The following RUNDC3B variants were observed in gnomAD, a reference collection of about 807,000 sequenced individuals.
RUNDC3B encodes RUN domain containing 3B, also known as RUN domain-containing protein 3B.
A neutral mutation model predicts 58.4 loss-of-function variants in RUNDC3B; 33 were observed. The observed-to-expected ratio is 0.56, with a 90% CI of 0.43 to 0.75. RUNDC3B has a LOEUF of 0.75. RUNDC3B is among the 30% of genes least tolerant of loss of function. The pLI, the probability that RUNDC3B is intolerant of heterozygous loss-of-function variation, is 0.00. For synonymous variants in RUNDC3B, 193 were observed against 195.2 expected (o/e 0.99, Z 0.10); for missense variants, 501 against 535.7 (o/e 0.94, Z 0.64).
chr7:87,652,366 C>G (rs954778867), intron 2 of RUNDC3B, among the ~76,000 whole-genome samples: 1 of 152,028 alleles, frequency 6.6e-6, no homozygotes, highest in Non-Finnish European at 1.5e-5. Flanking sequence ...GCGCACTAAT[C>G]TGCCATCTTC....
chr7:87,753,296 A>T (rs1833138474), intron 6 of RUNDC3B, among the ~76,000 whole-genome samples: 1 of 151,776 alleles, frequency 6.6e-6, no homozygotes, highest in African/African-American at 2.4e-5. Flanking sequence ...ACTTCCAAGT[A>T]TGTGGTCAAT....
chr7:87,718,588 A>T (rs1249903152), intron 4 of RUNDC3B, among the ~76,000 whole-genome samples: 3 of 152,156 alleles, frequency 2.0e-5, no homozygotes, highest in African/African-American at 7.2e-5. Context: ...CACCATATTC[A>T]TACATCTAAA....
chr7:87,750,469 G>C (rs1309032832), intron 6 of RUNDC3B, among the ~76,000 whole-genome samples: 1 of 151,592 alleles, frequency 6.6e-6, no homozygotes, highest in Non-Finnish European at 1.5e-5. Flanking sequence ...CTTCCACAAT[G>C]GTTGAACTAG....
chr7:87,734,402 A>G (rs1192312602), intron 4 of RUNDC3B, among the ~76,000 whole-genome samples: 3 of 152,296 alleles, frequency 2.0e-5, no homozygotes, highest in Non-Finnish European at 4.4e-5. Context: ...AGCTTAGCAA[A>G]GAAGCCAGTC....
intron 10 of RUNDC3B, among the ~76,000 whole-genome samples, chr7:87,823,339 G>A (rs891633323): frequency 6.6e-6 from 1 of 151,954 alleles, no homozygotes; most frequent in Non-Finnish European, 1.5e-5. Context: ...AAATCCTGAG[G>A]AGCAAACACA....
At chr7:87,713,402 A>G (rs1194330279) in intron 4 of RUNDC3B, 2 of 152,188 alleles carry the variant, frequency 1.3e-5, no homozygotes, top group Non-Finnish European at 2.9e-5. Context: ...CCCAAGGATA[A>G]GTTTGGGTGG....
chr7:87,676,176 A>G (rs1826335764), intron 2 of RUNDC3B, among the ~76,000 whole-genome samples: 1 of 152,102 alleles, frequency 6.6e-6, no homozygotes, highest in African/African-American at 2.4e-5. Flanking sequence ...TCAGTGAGCT[A>G]TCACCTCATC....
intron 10 of RUNDC3B, among the ~76,000 whole-genome samples, chr7:87,821,760 T>A (rs1361021299): frequency 1.3e-5 from 2 of 152,224 alleles, no homozygotes; most frequent in African/African-American, 4.8e-5. Flanking sequence ...ATCTGATCTT[T>A]GACAAACCTG....
At chr7:87,656,255 A>G (rs1372266620) in intron 2 of RUNDC3B, among the ~76,000 whole-genome samples, 1 of 152,142 alleles carries the variant, frequency 6.6e-6, no homozygotes, top group African/African-American at 2.4e-5. Flanking sequence ...TGTCAATTTA[A>G]AAATTTTTAA....
chr7:87,729,602 G>A (rs1235292567), intron 4 of RUNDC3B, among the ~76,000 whole-genome samples: 2 of 152,202 alleles, frequency 1.3e-5, no homozygotes, highest in Non-Finnish European at 2.9e-5. Flanking sequence ...ACCAGTATGG[G>A]CTAAAGTTCT....
intron 8 of RUNDC3B, among the ~76,000 whole-genome samples, chr7:87,806,105 CTT>C (rs1478409820): frequency 6.6e-6 from 1 of 152,198 alleles, no homozygotes; most frequent in East Asian, 1.9e-4. Flanking sequence ...TTCTCACTAA[CTT>C]TGGCCTATTT....
In RUNDC3B at chr7:87,816,246, A is replaced by T. The variant is rs1249514243; in HGVS notation, c.1209A>T (p.Leu403Phe). The change falls in exon 10 of 11, where the codon TTA (leucine) becomes TTT (phenylalanine). Residue 403 changes from leucine (L) to phenylalanine (F), a missense_variant. Leu to Phe is a conservative substitution (Grantham distance 22). Coordinates refer to ENST00000394654, the MANE Select transcript of RUNDC3B (RefSeq NM_001134405.2). Reference protein sequence around the residue: ...SQEGDGKQDTLNVMSEGKEDT... With the variant: ...SQEGDGKQDTFNVMSEGKEDT... Reference sequence around the variant, plus strand: ...AAGGAGATGGAAAACAAGACACATTAAATGTAATGAGTGAAGGTAAGAAAA... The same window carrying T: ...AAGGAGATGGAAAACAAGACACATTTAATGTAATGAGTGAAGGTAAGAAAA... 2 of 1,611,310 alleles carry T rather than the reference A, an allele frequency of 1.2e-6. No homozygotes were observed. The highest frequency in any genetic ancestry group is 3.3e-5 in the Admixed American group (2 of 59,812).
chr7:87,630,688 CTT>C (rs771607643), intron 1 of RUNDC3B, among the ~76,000 whole-genome samples: 60 of 142,354 alleles, frequency 4.2e-4, no homozygotes, highest in African/African-American at 1.4e-3. Flanking sequence ...TTTGCTTAGT[CTT>C]TTTTTTTTTT....
At chr7:87,753,632 C>G (rs576998551) in intron 6 of RUNDC3B, among the ~76,000 whole-genome samples, 2 of 152,248 alleles carry the variant, frequency 1.3e-5, no homozygotes, top group South Asian at 4.2e-4. Flanking sequence ...TATGTAATGG[C>G]CTTCTTTGTA....
chr7:87,654,601 A>G (rs1823897686), intron 2 of RUNDC3B, among the ~76,000 whole-genome samples: 1 of 152,074 alleles, frequency 6.6e-6, no homozygotes, highest in Non-Finnish European at 1.5e-5. Flanking sequence ...TGTAAGATCT[A>G]TCTACTACAA....
At position 87,739,861 on chromosome 7, in the gene RUNDC3B, C is replaced by T; in HGVS notation, c.529C>T (p.Leu177Phe). 6.4e-7 allele frequency: 1 copy of T among 1,567,802 alleles called. No individual in the cohort carries two copies. The highest frequency in any genetic ancestry group is 8.7e-7 in the Non-Finnish European group (1 of 1,144,730). Residue 177 changes from leucine to phenylalanine, a missense_variant, in exon 5 of 11, where the codon CTC (leucine) becomes TTC (phenylalanine). Leu to Phe is a conservative substitution (Grantham distance 22). Transcript: ENST00000394654. ...ANMLAGMLLG[L>F]NAIDFSFCLK... ...TATGCTTGCTGGCATGCTTCTAGGA[C>T]TCAATGCTATTGATTTCAGGTACTT... is the stretch of plus-strand genomic sequence containing the variant.
At chr7:87,664,878 C>T (rs1825075432) in intron 2 of RUNDC3B, among the ~76,000 whole-genome samples, 1 of 152,088 alleles carries the variant, frequency 6.6e-6, no homozygotes, top group Non-Finnish European at 1.5e-5. Context: ...AGAAGCTTAG[C>T]AAAGCATTTC....
At chr7:87,712,847 A>G (rs1036088723) in intron 4 of RUNDC3B, among the ~76,000 whole-genome samples, 3 of 152,154 alleles carry the variant, frequency 2.0e-5, no homozygotes, top group Non-Finnish European at 4.4e-5. Flanking sequence ...ATATGCACAC[A>G]TACATATAAT....
At chr7:87,692,176 C>A (rs1025658791) in intron 2 of RUNDC3B, among the ~76,000 whole-genome samples, 1 of 152,104 alleles carries the variant, frequency 6.6e-6, no homozygotes, top group Non-Finnish European at 1.5e-5. Flanking sequence ...CTAGGCCAGG[C>A]ATGGTGGCTC....
Sources: allele counts gnomAD v4.1 joint callset (sites outside exome capture counted in the v4.1 genomes callset), GRCh38; gene constraint gnomAD v4.1.1; transcripts MANE v1.5; gene names NCBI Gene and HGNC (gene_info 2026-07-23, HGNC 2026-07-21).